ITLN1: variants seen among roughly 807,000 people sequenced by gnomAD.
The protein encoded by ITLN1 is intelectin-1.
In ITLN1, 29 loss-of-function variants were observed where a neutral mutation model predicts 36.2. The ratio of observed to expected loss-of-function variants is 0.80; its 90% CI spans 0.60 to 1.09. The LOEUF is 1.09. Among genes scored for constraint, ITLN1 ranks in the 50% least tolerant of loss-of-function variants. The pLI is 0.00. For synonymous variants in ITLN1, 143 were observed against 146.5 expected, an observed-to-expected ratio of 0.98 and a Z score of 0.17; for missense variants, 358 against 405.2, an observed-to-expected ratio of 0.88 and a Z score of 1.00.
chr1:160,883,113 C>T (rs1029151162), intron 3 of ITLN1, among the ~76,000 whole-genome samples: 2 of 152,170 alleles, frequency 1.3e-5, no homozygotes, highest in African/African-American at 4.8e-5. Context: ...ACTGATCCAC[C>T]CCTCTCAGCC....
At chr1:160,881,885 C>G in intron 4 of ITLN1, 72 bp downstream of exon 4, 1 of 1,610,574 alleles carries the variant, frequency 6.2e-7, no homozygotes, top group Non-Finnish European at 8.5e-7. Context: ...TCCAGCCATC[C>G]CTCCTGCAGG....
At chr1:160,878,664 C>T (rs945378838) in intron 7 of ITLN1, among the ~76,000 whole-genome samples, 2 of 152,080 alleles carry the variant, frequency 1.3e-5, no homozygotes, top group Admixed American at 6.5e-5. Flanking sequence ...GGATTACAGG[C>T]GGGAGCCACC....
intron 2 of ITLN1, among the ~76,000 whole-genome samples, chr1:160,884,413 A>T (rs985749756): frequency 6.6e-5 from 10 of 151,598 alleles, no homozygotes; most frequent in African/African-American, 2.2e-4. Flanking sequence ...TAAAAAAAAA[A>T]TTTTTAGACG....
chr1:160,879,287 C>T (rs747943442), intron 7 of ITLN1, 24 bp downstream of exon 7: 8 of 1,563,678 alleles, frequency 5.1e-6, no homozygotes, highest in East Asian at 4.5e-5. Flanking sequence ...CTCACAGGTC[C>T]CTGCAGTCCC....
At chr1:160,881,365 G>A in intron 4 of ITLN1, 53 bp from the exon 5 acceptor site, 2 of 1,515,884 alleles carry the variant, frequency 1.3e-6, no homozygotes, top group South Asian at 2.7e-5. Flanking sequence ...CCAGGAGGCA[G>A]AAGGTCCACA....
chr1:160,883,016 T>G (rs1670705715), intron 3 of ITLN1, among the ~76,000 whole-genome samples: 2 of 152,156 alleles, frequency 1.3e-5, no homozygotes, highest in South Asian at 2.1e-4. Context: ...ATTACAAACA[T>G]GTACTCCACA....
chr1:160,881,823 AAAG>A, intron 4 of ITLN1, 131 bp downstream of exon 4: 3 of 1,161,752 alleles, frequency 2.6e-6, no homozygotes, highest in Non-Finnish European at 3.6e-6. Context: ...AAAAAAAAAA[AAAG>A]ATATAAGTAT....
chr1:160,879,458 A>G (rs1353202346), intron 6 of ITLN1, 44 bp from the exon 7 acceptor site: 1 of 1,539,894 alleles, frequency 6.5e-7, no homozygotes, highest in Admixed American at 1.7e-5. Context: ...AAGATGCTAG[A>G]AATTGCTTTC....
intron 6 of ITLN1, 91 bp downstream of exon 6, chr1:160,880,497 C>T: frequency 7.3e-7 from 1 of 1,377,262 alleles, no homozygotes; most frequent in Non-Finnish European, 1.0e-6. Context: ...CAGGAGAGAA[C>T]CAAGCTTCAG....
intron 6 of ITLN1, among the ~76,000 whole-genome samples, chr1:160,879,627 C>G (rs944544355): frequency 3.9e-5 from 6 of 152,288 alleles, no homozygotes; most frequent in African/African-American, 1.4e-4. Context: ...AGATGAAGAG[C>G]TGGTCCTCAG....
Position 160,876,728 on chromosome 1 carries a change from G to C in ITLN1, c.878C>G (p.Thr293Ser). Residue 293 changes from threonine (T) to serine (S), a missense_variant, in exon 8 of 8, where the codon ACT becomes AGT. By Grantham distance (58) the Thr-to-Ser change is moderately conservative (BLOSUM62 1). Coordinates refer to ENST00000326245, the MANE Select transcript of ITLN1 (RefSeq NM_017625.3). ...FSGFDWSGYG[T>S]HVGYSSSREI... The stretch of plus-strand genomic sequence containing the variant: ...ACGGCTGCTGCTGTAACCAACATGA[G>C]TTCCATATCCACTCCAATCAAAACC... 1 of 1,614,170 alleles carries C rather than the reference G, an allele frequency of 6.2e-7. No individual in the cohort carries two copies.
chr1:160,880,156 T>A (rs1670652930), intron 6 of ITLN1, among the ~76,000 whole-genome samples: 1 of 151,942 alleles, frequency 6.6e-6, no homozygotes, highest in Non-Finnish European at 1.5e-5. Flanking sequence ...AATACAAAAA[T>A]CAGCTGGGCG....
intron 3 of ITLN1, 117 bp from the exon 4 acceptor site, chr1:160,882,321 C>T: frequency 7.4e-7 from 1 of 1,355,346 alleles, no homozygotes; most frequent in Non-Finnish European, 1.0e-6. Flanking sequence ...TGTCCTGACT[C>T]ACATCACTAA....
Position 160,876,813 on chromosome 1 carries a change from A to G in ITLN1, c.793T>C (p.Cys265Arg). Residue 265 changes from cysteine to arginine, a missense_variant, in exon 8 of 8, where the codon TGC (cysteine) becomes CGC (arginine). Cys to Arg is a radical substitution (Grantham distance 180). Coordinates refer to ENST00000326245, the MANE Select transcript of ITLN1 (RefSeq NM_017625.3). Reference protein sequence around the residue: ...RVTGCNTEHHCIGGGGYFPEA... With the variant: ...RVTGCNTEHHRIGGGGYFPEA... ...GGAAAGTATCCTCCTCCACCAATGC[A>G]GTGCTGGGAAACAAAGAGAGGAAGA... 6.2e-7 allele frequency: 1 copy of G among 1,613,802 alleles called. No individual in the cohort carries two copies. Among genetic ancestry groups the G allele is most frequent in the Non-Finnish European group, 8.5e-7 (1 of 1,179,880 alleles).
intron 7 of ITLN1, among the ~76,000 whole-genome samples, chr1:160,878,188 C>G (rs534947169): frequency 6.6e-6 from 1 of 151,834 alleles, no homozygotes; most frequent in Non-Finnish European, 1.5e-5. Context: ...AAGTGTGTAA[C>G]GCCTCCCCTG....
At chr1:160,884,295 G>T (rs75251250) in intron 2 of ITLN1, among the ~76,000 whole-genome samples, 1,907 of 152,260 alleles carry the variant, frequency 0.013, 39 homozygotes, top group African/African-American at 0.041. Context: ...GGGGAAAGCT[G>T]TGAGGTCAGA....
At chr1:160,881,734 C>T (rs181754853) in intron 4 of ITLN1, among the ~76,000 whole-genome samples, 7 of 143,792 alleles carry the variant, frequency 4.9e-5, no homozygotes, top group Admixed American at 2.1e-4. Flanking sequence ...CCCAGGAGGC[C>T]GTGGTTGCTA....
rs79034160 is a variant in ITLN1 at position 160,883,591 on chromosome 1, T to C, written c.59-65A>G. On this transcript the variant is annotated intron_variant, in intron 2 of 7. Coordinates refer to ENST00000326245, the MANE Select transcript of ITLN1 (RefSeq NM_017625.3). ...CACAAAACCTACCCTCTCCTATCAC[T>C]AGTCCCACGCTCATTCCACCACTGT... The C allele has an allele frequency of 4.0e-3, 4,502 of 1,117,750 alleles. 92 individuals carry two copies. Among genetic ancestry groups the C allele is most frequent in the African/African-American group, 0.04 (2,573 of 64,704 alleles). 69.2% of individuals were successfully genotyped at this position (1,117,750 alleles called of 1,614,324 possible). A position where few individuals can be genotyped will look rare whatever the true frequency, so the allele number is the denominator to read the frequency against.
chr1:160,880,803 T>C, intron 5 of ITLN1, 95 bp from the exon 6 acceptor site: 3 of 1,394,770 alleles, frequency 2.2e-6, no homozygotes, highest in Non-Finnish European at 3.0e-6. Context: ...GGAGAAACAA[T>C]GCTTTCTCAG....
Sources: gnomAD v4.1 joint callset for allele counts (sites outside exome capture counted in the v4.1 genomes callset) on GRCh38, gnomAD v4.1.1 for gene constraint, MANE v1.5 for transcripts, NCBI Gene and HGNC (gene_info 2026-07-23, HGNC 2026-07-21) for gene names.